Variants in GABRG3 observed in about 807,000 individuals in gnomAD.
GABRG3 encodes gamma-aminobutyric acid receptor subunit gamma-3.
GABRG3 carries 25 observed loss-of-function variants against 48.8 expected under a neutral mutation model. That is an observed-to-expected ratio of 0.51 (90% CI 0.37 to 0.72). GABRG3 has a LOEUF of 0.72. Among genes scored for constraint, GABRG3 ranks in the 30% least tolerant of loss-of-function variants. The pLI is 0.00. For missense variants in GABRG3, 394 were observed against 577.9 expected (o/e 0.68, Z 3.26); for synonymous variants, 227 against 217.6 (o/e 1.04, Z -0.38).
chr15:27,298,450 T>C (rs953650248), intron 3 of GABRG3, among the ~76,000 whole-genome samples: 2 of 152,030 alleles, frequency 1.3e-5, no homozygotes, highest in Non-Finnish European at 2.9e-5. Flanking sequence ...GTTGTAGTAA[T>C]CCATATGTCG....
intron 6 of GABRG3, among the ~76,000 whole-genome samples, chr15:27,489,318 G>A (rs1428004103): frequency 6.6e-6 from 1 of 152,130 alleles, no homozygotes; most frequent in African/African-American, 2.4e-5. Flanking sequence ...TTGCTATTGT[G>A]AACTGTGCTG....
intron 5 of GABRG3, among the ~76,000 whole-genome samples, chr15:27,479,725 C>T (rs1232861307): frequency 9.2e-5 from 14 of 152,200 alleles, no homozygotes; most frequent in Admixed American, 8.5e-4. Flanking sequence ...GCTGAGAATG[C>T]CAATGCTGTC....
intron 3 of GABRG3, among the ~76,000 whole-genome samples, chr15:27,293,838 G>C (rs1412766387): frequency 6.6e-6 from 1 of 152,076 alleles, no homozygotes; most frequent in African/African-American, 2.4e-5. Context: ...TTCCATTCTT[G>C]GGAAATACAC....
intron 5 of GABRG3, among the ~76,000 whole-genome samples, chr15:27,426,274 C>T (rs1595747137): frequency 6.6e-6 from 1 of 152,134 alleles, no homozygotes; most frequent in Admixed American, 6.5e-5. Flanking sequence ...ATAAAGCAGG[C>T]CTCGTTTTGT....
intron 3 of GABRG3, among the ~76,000 whole-genome samples, chr15:27,101,738 G>T (rs535730388): frequency 6.7e-6 from 1 of 149,872 alleles, no homozygotes; most frequent in Non-Finnish European, 1.5e-5. Context: ...CAACACCCTA[G>T]ACCAGGGGTG....
chr15:27,170,457 A>T (rs1255097258), intron 3 of GABRG3, among the ~76,000 whole-genome samples: 2 of 152,198 alleles, frequency 1.3e-5, no homozygotes, highest in Admixed American at 6.5e-5. Context: ...CAACACTGTG[A>T]GGTAAAGCTT....
intron 3 of GABRG3, among the ~76,000 whole-genome samples, chr15:27,091,431 G>A (rs186515863): frequency 4.3e-4 from 66 of 152,220 alleles, no homozygotes; most frequent in African/African-American, 1.5e-3. Context: ...TTGTTCTGTC[G>A]TTTTCTTTTC....
At chr15:27,210,241 A>G (rs1052828224) in intron 3 of GABRG3, among the ~76,000 whole-genome samples, 1 of 152,178 alleles carries the variant, frequency 6.6e-6, no homozygotes, top group Non-Finnish European at 1.5e-5. Flanking sequence ...AGCACCAAGA[A>G]CACCTGTAAC....
At chr15:27,386,946 G>A (rs956794069) in intron 5 of GABRG3, among the ~76,000 whole-genome samples, 2 of 152,100 alleles carry the variant, frequency 1.3e-5, no homozygotes, top group Non-Finnish European at 2.9e-5. Context: ...GGCTTCTTTT[G>A]ACAATTTAAA....
intron 9 of GABRG3, among the ~76,000 whole-genome samples, chr15:27,528,199 C>T (rs75185698): frequency 0.012 from 1,897 of 152,264 alleles, 53 homozygotes; most frequent in African/African-American, 0.044. Flanking sequence ...CATAATCCTT[C>T]TACATGGGGA....
Position 26,974,551 on chromosome 15 carries a change from C to G in GABRG3, c.54-2451C>G, listed in dbSNP as rs1012745815. ...GGGAGGGGAAGAAGAGTGAGGCAGA[C>G]CCCCTCACAGTGCCCAAGACAGAGA... On this transcript the variant is annotated intron_variant, in intron 1 of 9. Coordinates refer to ENST00000615808, the MANE Select transcript of GABRG3 (RefSeq NM_033223.5). The surrounding 1 kb of genome is among the most constrained non-coding windows in gnomAD (Gnocchi z 4.3). Among the ~76,000 whole-genome samples, 3 of 151,760 alleles carry G rather than the reference C, an allele frequency of 2.0e-5. No homozygotes were observed. The highest frequency in any genetic ancestry group is 4.4e-5 in the Non-Finnish European group (3 of 67,940).
At chr15:27,340,253 GCA>G (rs745705343) in intron 5 of GABRG3, among the ~76,000 whole-genome samples, 4 of 152,160 alleles carry the variant, frequency 2.6e-5, no homozygotes, top group Non-Finnish European at 4.4e-5. Context: ...AGGGATAATT[GCA>G]CAGTTTCTCT....
At chr15:27,106,005 T>A (rs1897443164) in intron 3 of GABRG3, among the ~76,000 whole-genome samples, 1 of 152,146 alleles carries the variant, frequency 6.6e-6, no homozygotes, top group Non-Finnish European at 1.5e-5. Flanking sequence ...GATATTATGC[T>A]AAGTGAAATA....
chr15:27,349,524 A>G (rs1179380643), intron 5 of GABRG3, among the ~76,000 whole-genome samples: 1 of 152,172 alleles, frequency 6.6e-6, no homozygotes, highest in Non-Finnish European at 1.5e-5. Context: ...AAAAGTCACA[A>G]AGGTTGGTGT....
chr15:27,395,934 C>T (rs1204180532), intron 5 of GABRG3, among the ~76,000 whole-genome samples: 1 of 152,090 alleles, frequency 6.6e-6, no homozygotes, highest in Non-Finnish European at 1.5e-5. Flanking sequence ...GATCATGGCT[C>T]ACTGCAGCCT....
intron 3 of GABRG3, among the ~76,000 whole-genome samples, chr15:27,054,750 G>A (rs1161534471): frequency 1.3e-5 from 2 of 152,180 alleles, no homozygotes; most frequent in South Asian, 4.1e-4. Context: ...CAGATCCGGG[G>A]GCTTCAGGTT....
At chr15:27,405,857 G>GGT (rs1887617495) in intron 5 of GABRG3, among the ~76,000 whole-genome samples, 1 of 151,464 alleles carries the variant, frequency 6.6e-6, no homozygotes, top group South Asian at 2.1e-4. Flanking sequence ...GACTGGGGGA[G>GGT]GGAATATAGG....
chr15:27,036,893 G>A (rs1173018724), intron 3 of GABRG3, among the ~76,000 whole-genome samples: 1 of 152,118 alleles, frequency 6.6e-6, no homozygotes, highest in Non-Finnish European at 1.5e-5. Context: ...GACTTTATTT[G>A]GAAATAGAGT....
rs1043756218 is a variant in GABRG3, at chr15:26,974,028, A to G, written c.53+2440A>G. On this transcript the variant is annotated intron_variant, in intron 1 of 9. Transcript: ENST00000615808. This position sits in a 1 kb window ranked among gnomAD's most constrained non-coding sequence, Gnocchi z 4.3. ...ATGAGATTTCATTTTTGTCAAAGCA[A>G]GGATTTTCCTGTGGGCCTGGTGGTC... is the stretch of plus-strand genomic sequence containing the variant. Among the ~76,000 whole-genome samples, 2 of 152,186 alleles carry G rather than the reference A, an allele frequency of 1.3e-5. No homozygotes were observed. The highest frequency in any genetic ancestry group is 2.4e-5 in the African/African-American group (1 of 41,444).
Sources: allele counts gnomAD v4.1 joint callset (sites outside exome capture counted in the v4.1 genomes callset), GRCh38; gene constraint gnomAD v4.1.1; non-coding constraint Gnocchi (gnomAD v3.1); transcripts MANE v1.5; gene names NCBI Gene and HGNC (gene_info 2026-07-23, HGNC 2026-07-21).